The following PTPRT variants were observed in gnomAD, a reference collection of about 807,000 sequenced individuals.
PTPRT encodes the protein protein tyrosine phosphatase receptor type T, also known as receptor-type tyrosine-protein phosphatase T.
Under a neutral mutation model 176.8 loss-of-function variants are expected in PTPRT, and 56 were observed. The ratio of observed to expected loss-of-function variants is 0.32; its 90% CI spans 0.26 to 0.40. PTPRT has a LOEUF of 0.40. PTPRT is among the 10% of genes least tolerant of loss of function. PTPRT has a pLI of 1.00. For missense variants in PTPRT, 1,540 were observed against 1,908.2 expected (o/e 0.81, Z 3.60); for synonymous variants, 783 against 739.0 (o/e 1.06, Z -0.96).
At chr20:42,229,633 C>A (rs1024005383) in intron 15 of PTPRT, among the ~76,000 whole-genome samples, 2 of 152,310 alleles carry the variant, frequency 1.3e-5, no homozygotes, top group East Asian at 3.9e-4. Context: ...TGAGGCCCTA[C>A]TATGTGCTAG....
At chr20:42,976,615 C>T (rs938461920) in intron 1 of PTPRT, among the ~76,000 whole-genome samples, 2 of 152,028 alleles carry the variant, frequency 1.3e-5, no homozygotes, top group African/African-American at 4.8e-5. Flanking sequence ...CCATGTTGGC[C>T]AGGCTAGTCT....
chr20:42,416,210 A>G (rs1423965419), intron 9 of PTPRT, among the ~76,000 whole-genome samples: 1 of 152,192 alleles, frequency 6.6e-6, no homozygotes, highest in African/African-American at 2.4e-5. Flanking sequence ...CCATGTGAAG[A>G]CTGAGGCAGA....
intron 27 of PTPRT, among the ~76,000 whole-genome samples, chr20:42,089,578 G>A (rs1293931498): frequency 3.9e-5 from 6 of 152,144 alleles, no homozygotes; most frequent in African/African-American, 7.2e-5. Flanking sequence ...CTCTGCATTC[G>A]ATTTTCTGGG....
At chr20:43,020,181 CAT>C (rs1362916803) in intron 1 of PTPRT, among the ~76,000 whole-genome samples, 2 of 143,850 alleles carry the variant, frequency 1.4e-5, no homozygotes, top group East Asian at 2.0e-4. Context: ...TATATAATTA[CAT>C]ATATAAGTAA....
intron 12 of PTPRT, among the ~76,000 whole-genome samples, chr20:42,304,560 TC>T (rs1224546904): frequency 1.3e-5 from 2 of 152,106 alleles, no homozygotes; most frequent in African/African-American, 4.8e-5. Flanking sequence ...ATGTAGCTGG[TC>T]AGTGACAATC....
At chr20:43,049,326 AACATACAT>A (rs3030299) in intron 1 of PTPRT, among the ~76,000 whole-genome samples, 4,087 of 151,446 alleles carry the variant, frequency 0.027, 188 homozygotes, top group African/African-American at 0.09. Flanking sequence ...GGCCATGTAA[AACATACAT>A]ACATACATAC....
chr20:42,149,387 G>A (rs1316892019), intron 17 of PTPRT, among the ~76,000 whole-genome samples: 2 of 151,500 alleles, frequency 1.3e-5, no homozygotes, highest in East Asian at 1.9e-4. Flanking sequence ...GGACAAGAAC[G>A]TGAGTTTTAT....
intron 6 of PTPRT, among the ~76,000 whole-genome samples, chr20:42,721,564 C>A (rs1030182167): frequency 6.6e-6 from 1 of 152,174 alleles, no homozygotes; most frequent in African/African-American, 2.4e-5. Context: ...TGCTGAGAAA[C>A]GGACACAAAC....
chr20:42,899,848 G>C (rs1363226512), intron 1 of PTPRT, among the ~76,000 whole-genome samples: 1 of 152,158 alleles, frequency 6.6e-6, no homozygotes, highest in Non-Finnish European at 1.5e-5. Flanking sequence ...TGTGACTTTG[G>C]ATGAGTCAGA....
intron 9 of PTPRT, among the ~76,000 whole-genome samples, chr20:42,416,625 G>C (rs1281207066): frequency 6.6e-6 from 1 of 152,126 alleles, no homozygotes; most frequent in African/African-American, 2.4e-5. Flanking sequence ...GCTGACTCTG[G>C]CTGTATCTGC....
chr20:42,640,065 T>G (rs1309898459), intron 7 of PTPRT, among the ~76,000 whole-genome samples: 1 of 152,092 alleles, frequency 6.6e-6, no homozygotes, highest in African/African-American at 2.4e-5. Flanking sequence ...TGGAGTTCAT[T>G]CTTTACCTGC....
chr20:42,769,058 A>G (rs898349599), intron 5 of PTPRT, among the ~76,000 whole-genome samples: 1 of 152,220 alleles, frequency 6.6e-6, no homozygotes, highest in Non-Finnish European at 1.5e-5. Context: ...AATACACTTG[A>G]ACACTAATCG....
intron 7 of PTPRT, among the ~76,000 whole-genome samples, chr20:42,634,055 TA>T (rs1301642056): frequency 2.1e-4 from 7 of 32,908 alleles, no homozygotes; most frequent in South Asian, 6.3e-4. Context: ...ATATATATTA[TA>T]AATATATAAT....
intron 1 of PTPRT, among the ~76,000 whole-genome samples, chr20:43,122,055 G>GGCTTCAGCATGCTTTA (rs1358656466): frequency 1.9e-4 from 29 of 152,098 alleles, no homozygotes; most frequent in Non-Finnish European, 4.0e-4. Flanking sequence ...TCTAGTCCCC[G>GGCTTCAGCATGCTTTA]GCTTCAGCAT....
intron 9 of PTPRT, among the ~76,000 whole-genome samples, chr20:42,395,299 C>T (rs79352938): frequency 0.068 from 10,347 of 152,116 alleles, 439 homozygotes; most frequent in African/African-American, 0.12. Context: ...GCTTAACTGA[C>T]CCATCCCCAT....
At chr20:43,103,049 T>C (rs971269075) in intron 1 of PTPRT, among the ~76,000 whole-genome samples, 3 of 152,108 alleles carry the variant, frequency 2.0e-5, no homozygotes, top group Admixed American at 2.0e-4. Context: ...AATGTCAGGC[T>C]TCCATGACCA....
intron 7 of PTPRT, among the ~76,000 whole-genome samples, chr20:42,514,981 T>C (rs1292523394): frequency 6.6e-6 from 1 of 152,212 alleles, no homozygotes. Context: ...TTCATGATTT[T>C]CTCTTTTGGA....
At chr20:43,051,625 TAAAAAAAAAAA>T (rs35885799) in intron 1 of PTPRT, among the ~76,000 whole-genome samples, 1 of 91,980 alleles carries the variant, frequency 1.1e-5, no homozygotes, top group African/African-American at 5.3e-5. Flanking sequence ...TCTGTAACTG[TAAAAAAAAAAA>T]AAAAAAAAAA....
intron 11 of PTPRT, among the ~76,000 whole-genome samples, chr20:42,331,868 A>G (rs1229166179): frequency 1.3e-5 from 2 of 152,188 alleles, no homozygotes; most frequent in Non-Finnish European, 2.9e-5. Context: ...TGTAACACTG[A>G]CATAATTGTA....
Sources: gnomAD v4.1 joint callset for allele counts (sites outside exome capture counted in the v4.1 genomes callset) on GRCh38, gnomAD v4.1.1 for gene constraint, MANE v1.5 for transcripts, NCBI Gene and HGNC (gene_info 2026-07-23, HGNC 2026-07-21) for gene names.